Variants in TJP1 observed in about 807,000 individuals in gnomAD.
TJP1 encodes tight junction protein 1.
TJP1 carries 43 observed loss-of-function variants against 194.2 expected under a neutral mutation model. The observed-to-expected ratio is 0.22, with a 90% confidence interval of 0.17 to 0.29. The LOEUF (loss-of-function observed/expected upper bound fraction) is 0.29. TJP1 is among the 10% of genes least tolerant of loss of function. The pLI, the probability that TJP1 is intolerant of heterozygous loss-of-function variation, is 1.00. For missense variants in TJP1, 1,971 were observed against 2,185.7 expected (o/e 0.90, Z 1.96); for synonymous variants, 801 against 779.0 (o/e 1.03, Z -0.47).
chr15:29,814,192 CTT>C (rs1041761965), intron 1 of TJP1, among the ~76,000 whole-genome samples: 5 of 152,164 alleles, frequency 3.3e-5, no homozygotes, highest in Non-Finnish European at 7.4e-5. Flanking sequence ...TAGAAAATGA[CTT>C]TGTCACCTCC....
At chr15:29,756,168 A>G (rs1024856399) in intron 8 of TJP1, among the ~76,000 whole-genome samples, 6 of 152,132 alleles carry the variant, frequency 3.9e-5, no homozygotes, top group African/African-American at 1.2e-4. Context: ...GTAATCACCA[A>G]GAAGCAAAGT....
intron 2 of TJP1, among the ~76,000 whole-genome samples, chr15:29,775,123 C>G (rs930343019): frequency 2.6e-5 from 4 of 152,160 alleles, no homozygotes; most frequent in Non-Finnish European, 5.9e-5. Flanking sequence ...GCCATAGGGG[C>G]TCCCCACCCA....
chr15:29,708,611 G>C lies in TJP1; in HGVS notation c.4798C>G (p.Pro1600Ala), dbSNP rs774569532. Residue 1600 changes from proline to alanine, a missense_variant, in exon 25 of 28, where the codon CCT (proline) becomes GCT (alanine). By Grantham distance (27) the Pro-to-Ala change is conservative. Coordinates refer to ENST00000614355, the MANE Select transcript of TJP1 (RefSeq NM_001330239.4). ...VETFSIHAEK[P>A]KYQINNISTV... ...CTGATATTATTTATTTGATATTTAGGCTTCTCTGCATGGATAGAGAAAGTT... is the reference window on the plus strand; with the variant it reads ...CTGATATTATTTATTTGATATTTAGCCTTCTCTGCATGGATAGAGAAAGTT... The C allele has an allele frequency of 6.8e-6, 11 of 1,614,006 alleles. 1 individual carries two copies. In the South Asian group the frequency reaches 9.9e-5, roughly 14 times the overall value.
chr15:29,790,386 T>A (rs1457199346), intron 2 of TJP1, among the ~76,000 whole-genome samples: 2 of 152,208 alleles, frequency 1.3e-5, no homozygotes, highest in African/African-American at 2.4e-5. Flanking sequence ...CCAAAGATTT[T>A]AAAAATGTTT....
At chr15:29,826,943 G>C (rs946422634), upstream of TJP1, among the ~76,000 whole-genome samples, 3 of 152,086 alleles carry the variant, frequency 2.0e-5, no homozygotes, top group Non-Finnish European at 4.4e-5. Context: ...ACAGGGTCCT[G>C]TCGCCTCCTA....
At chr15:29,940,017 C>A (rs2055014639) in intron 2 of TJP1, among the ~76,000 whole-genome samples, 2 of 152,098 alleles carry the variant, frequency 1.3e-5, no homozygotes, top group Non-Finnish European at 2.9e-5. Flanking sequence ...GGAAATAGAG[C>A]CACTGTCAAG....
upstream of TJP1, among the ~76,000 whole-genome samples, chr15:29,827,288 C>T (rs1359154233): frequency 2.0e-5 from 3 of 152,220 alleles, no homozygotes; most frequent in East Asian, 3.9e-4. Context: ...ACCCTGTCCC[C>T]AGCAGGGCAT....
At chr15:29,932,545 T>A (rs2054754609) in intron 2 of TJP1, among the ~76,000 whole-genome samples, 1 of 151,796 alleles carries the variant, frequency 6.6e-6, no homozygotes, top group African/African-American at 2.4e-5. Context: ...TGGGAGAACA[T>A]CTTTATGACC....
At chr15:29,926,573 T>C (rs1023033573) in intron 2 of TJP1, among the ~76,000 whole-genome samples, 2 of 150,826 alleles carry the variant, frequency 1.3e-5, no homozygotes, top group African/African-American at 4.9e-5. Flanking sequence ...GACTGCGCCA[T>C]TGCACTCCAG....
intron 2 of TJP1, among the ~76,000 whole-genome samples, chr15:29,828,664 T>TTGG (rs371895667): frequency 3.5e-4 from 53 of 152,256 alleles, no homozygotes; most frequent in African/African-American, 1.3e-3. Flanking sequence ...TTACATCACT[T>TTGG]ACCCATTTTG....
chr15:29,745,078 C>T (rs1595728021), intron 8 of TJP1, among the ~76,000 whole-genome samples: 2 of 151,932 alleles, frequency 1.3e-5, no homozygotes, highest in East Asian at 3.9e-4. Context: ...AGAAAATTTG[C>T]AGTCATTCCT....
chr15:29,710,498 A>G lies in TJP1; in HGVS notation c.4372+333T>C, dbSNP rs370674214. 3.3e-5 allele frequency among the ~76,000 whole-genome samples: 5 copies of G among 152,336 alleles called. No homozygotes were observed. In the East Asian group the frequency reaches 7.7e-4, roughly 24 times the overall value. On this transcript the variant is annotated intron_variant, in intron 24 of 27. Coordinates refer to ENST00000614355, the MANE Select transcript of TJP1 (RefSeq NM_001330239.4). ...TCAAGGTGTATGGGATACATTTTAT[A>G]TGAAACATTATGGCTTTTCTATTTG...
At chr15:29,887,905 G>C (rs1373489858) in intron 2 of TJP1, among the ~76,000 whole-genome samples, 1 of 152,036 alleles carries the variant, frequency 6.6e-6, no homozygotes, top group African/African-American at 2.4e-5. Flanking sequence ...CATGTAACTG[G>C]AGCCTTAAAT....
upstream of TJP1, among the ~76,000 whole-genome samples, chr15:29,825,798 CA>C (rs2050657751): frequency 6.6e-6 from 1 of 152,064 alleles, no homozygotes; most frequent in Non-Finnish European, 1.5e-5. Context: ...TTATAACAAC[CA>C]AAAGTAATCC....
At position 29,856,617 on chromosome 15, in the gene TJP1, G is replaced by A. The variant is rs551089238; in HGVS notation, c.307-55915C>T. Among the ~76,000 whole-genome samples the A allele has an allele frequency of 1.3e-4, 20 of 152,234 alleles. No individual in the cohort carries two copies. In the South Asian group the frequency reaches 2.5e-3, roughly 19 times the overall value. ...GTCATGAAAGAACAGTTGGACCTCC[G>A]TATCTGTGAGTTCTGCATCCGTGGA... On this transcript the variant is annotated intron_variant, in intron 2 of 28. Coordinates refer to the TJP1 transcript ENST00000356107.
At chr15:29,933,430 T>C (rs980479913) in intron 2 of TJP1, among the ~76,000 whole-genome samples, 1 of 151,926 alleles carries the variant, frequency 6.6e-6, no homozygotes, top group African/African-American at 2.4e-5. Flanking sequence ...ATTAGATAGG[T>C]AGGAGGAGAA....
At chr15:29,735,278 C>T (rs2043952002) in intron 11 of TJP1, among the ~76,000 whole-genome samples, 1 of 151,034 alleles carries the variant, frequency 6.6e-6, no homozygotes, top group African/African-American at 2.4e-5. Flanking sequence ...TGATACAAAA[C>T]AAAAGTGAAC....
chr15:29,700,506 G>C lies in TJP1; in HGVS notation c.*1089C>G. 1 of 398,804 alleles carries C rather than the reference G, an allele frequency of 2.5e-6. No individual in the cohort carries two copies. Among genetic ancestry groups the C allele is most frequent in the East Asian group, 3.6e-5 (1 of 28,042 alleles). The allele number at this position is 398,804 out of a possible 1,614,324, so 24.7% of individuals were successfully genotyped here. A position where few individuals can be genotyped will look rare whatever the true frequency, so the allele number is the denominator to read the frequency against. On this transcript the variant is annotated 3_prime_UTR_variant, in exon 28 of 28. Coordinates refer to ENST00000614355, the MANE Select transcript of TJP1 (RefSeq NM_001330239.4). Reference sequence around the variant, plus strand: ...GAAACGCTGCTTTATTGCTGCAGAGGTCAAAGTTCAAGGCTCAAGAGGTAC... The same window carrying C: ...GAAACGCTGCTTTATTGCTGCAGAGCTCAAAGTTCAAGGCTCAAGAGGTAC...
chr15:29,863,874 G>A (rs570887781), intron 2 of TJP1, among the ~76,000 whole-genome samples: 1 of 152,176 alleles, frequency 6.6e-6, no homozygotes, highest in South Asian at 2.1e-4. Flanking sequence ...TCTCATGGAA[G>A]TAACAAAAAG....
Sources: gnomAD v4.1 joint callset for allele counts (sites outside exome capture counted in the v4.1 genomes callset) on GRCh38, gnomAD v4.1.1 for gene constraint, MANE v1.5 for transcripts, NCBI Gene and HGNC (gene_info 2026-07-23, HGNC 2026-07-21) for gene names.